The following SLC9A7 variants were observed in gnomAD, a reference collection of about 807,000 sequenced individuals.
SLC9A7 encodes sodium/hydrogen exchanger 7.
A neutral mutation model predicts 52.6 loss-of-function variants in SLC9A7; 19 were observed. The ratio of observed to expected loss-of-function variants is 0.36; its 90% confidence interval spans 0.25 to 0.53. The LOEUF (loss-of-function observed/expected upper bound fraction) is 0.53. SLC9A7 is among the 20% of genes least tolerant of loss of function. The pLI, the probability that SLC9A7 is intolerant of heterozygous loss-of-function variation, is 0.91. For missense variants in SLC9A7, 455 were observed against 597.9 expected (o/e 0.76, Z 2.49); for synonymous variants, 226 against 252.1 (o/e 0.90, Z 0.98).
At chrX:46,637,880 G>C (rs2146743770) in intron 12 of SLC9A7, among the ~76,000 whole-genome samples, 1 of 112,768 alleles carries the variant, frequency 8.9e-6, no homozygotes, top group African/African-American at 3.2e-5. Context: ...ATGGAAAGCA[G>C]TGACCTGGCT....
At chrX:46,730,709 T>TATATATATATATAA (rs1945024634) in intron 1 of SLC9A7, among the ~76,000 whole-genome samples, 2 of 72,534 alleles carry the variant, frequency 2.8e-5, no homozygotes, top group Non-Finnish European at 5.3e-5. Flanking sequence ...TATATATATA[T>TATATATATATATAA]AAAATGGATG....
At chrX:46,628,508 T>C (rs1943172913) in intron 14 of SLC9A7, among the ~76,000 whole-genome samples, 1 of 112,505 alleles carries the variant, frequency 8.9e-6, no homozygotes, top group Non-Finnish European at 1.9e-5. Context: ...AGCAAAGTTC[T>C]AGCCAACAGC....
intron 1 of SLC9A7, among the ~76,000 whole-genome samples, chrX:46,693,594 A>T (rs928428894): frequency 1.8e-5 from 2 of 109,732 alleles, no homozygotes; most frequent in African/African-American, 3.3e-5. Flanking sequence ...TATATATATA[A>T]AAATTAGTTC....
At chrX:46,693,437 G>C (rs1430726707) in intron 1 of SLC9A7, among the ~76,000 whole-genome samples, 1 of 111,344 alleles carries the variant, frequency 9.0e-6, no homozygotes, top group Non-Finnish European at 1.9e-5. Flanking sequence ...GTGTGTTTAT[G>C]GTTAATTGAT....
At chrX:46,620,683 C>A (rs185080735) in intron 15 of SLC9A7, among the ~76,000 whole-genome samples, 1 of 111,667 alleles carries the variant, frequency 9.0e-6, no homozygotes, top group East Asian at 2.8e-4. Context: ...TAATTTTAAT[C>A]TAATCACCTA....
chrX:46,623,583 T>G (rs1400891055), intron 14 of SLC9A7, among the ~76,000 whole-genome samples: 2 of 111,877 alleles, frequency 1.8e-5, no homozygotes, highest in Non-Finnish European at 3.8e-5. Flanking sequence ...CTCAAGAGAC[T>G]ATCTGGCTCC....
At chrX:46,738,149 T>C (rs1344266784) in intron 1 of SLC9A7, among the ~76,000 whole-genome samples, 1 of 112,073 alleles carries the variant, frequency 8.9e-6, no homozygotes, top group African/African-American at 3.2e-5. Flanking sequence ...GTATTAACAT[T>C]CAATCAAGAA....
chrX:46,744,474 T>C (rs1220999047), intron 1 of SLC9A7, among the ~76,000 whole-genome samples: 1 of 112,263 alleles, frequency 8.9e-6, no homozygotes, highest in Non-Finnish European at 1.9e-5. Context: ...CAAGACAATT[T>C]GAAGTAAATG....
chrX:46,748,873 T>C (rs1340815858), intron 1 of SLC9A7, among the ~76,000 whole-genome samples: 2 of 109,776 alleles, frequency 1.8e-5, no homozygotes, highest in African/African-American at 3.3e-5. Context: ...ATAGTGGAGA[T>C]GGCCATAAAA....
At chrX:46,717,864 T>C (rs1016241665) in intron 1 of SLC9A7, among the ~76,000 whole-genome samples, 3 of 111,286 alleles carry the variant, frequency 2.7e-5, no homozygotes, top group Non-Finnish European at 3.8e-5. Context: ...AAAATGGCCA[T>C]ACTGCCCAAG....
At chrX:46,649,726 G>A (rs2146774322) in intron 10 of SLC9A7, among the ~76,000 whole-genome samples, 1 of 112,540 alleles carries the variant, frequency 8.9e-6, no homozygotes, top group Non-Finnish European at 1.9e-5. Flanking sequence ...AGCACTGCCT[G>A]TTTTTCTTCC....
chrX:46,604,132 T>C lies in SLC9A7; in HGVS notation c.*2820A>G, dbSNP rs1465268210. 1 of 112,751 alleles carries C rather than the reference T, an allele frequency of 8.9e-6. No homozygotes were observed. The highest frequency in any genetic ancestry group is 1.9e-5 in the Non-Finnish European group (1 of 53,356). 9.3% of individuals were successfully genotyped at this position (112,751 alleles called of 1,213,427 possible). Reference sequence around the variant, plus strand: ...CTCTGCTAAATAAAAAATCCTGTGCTGGTTCTGGACTCCAGCACACATATA... The same window carrying C: ...CTCTGCTAAATAAAAAATCCTGTGCCGGTTCTGGACTCCAGCACACATATA... On this transcript the variant is annotated 3_prime_UTR_variant, in exon 17 of 17. Transcript: ENST00000616978.
At chrX:46,627,274 A>G (rs1171338949) in intron 14 of SLC9A7, among the ~76,000 whole-genome samples, 1 of 110,844 alleles carries the variant, frequency 9.0e-6, no homozygotes, top group Non-Finnish European at 1.9e-5. Flanking sequence ...TGATTGCACC[A>G]CTGCACTCCA....
Position 46,682,474 on chromosome X carries a change from T to C in SLC9A7, c.387A>G (p.Ser129=), listed in dbSNP as rs1220122579. The change falls in exon 2 of 17, where the codon TCA becomes TCG. Residue 129 remains serine (S), a synonymous_variant. Transcript: ENST00000616978. ...CCCTGTCTTCCTGAGTGCAGCTGAG[T>C]GATTTGTCACGGCCACTGGTAGCAG... is the stretch of plus-strand genomic sequence containing the variant. ...GTPATSGRDK[S]LSCTQEDRAF... is the part of the protein sequence containing the mutation. 1 of 1,211,197 alleles carries C rather than the reference T, an allele frequency of 8.3e-7. No individual in the cohort carries two copies. Among genetic ancestry groups the C allele is most frequent in the South Asian group, 1.8e-5 (1 of 56,920 alleles).
At chrX:46,702,199 T>C (rs1944541620) in intron 1 of SLC9A7, among the ~76,000 whole-genome samples, 1 of 112,182 alleles carries the variant, frequency 8.9e-6, no homozygotes, top group African/African-American at 3.2e-5. Context: ...ATACATTTTC[T>C]TTCTGCCTCT....
intron 11 of SLC9A7, chrX:46,647,027 G>T: frequency 3.0e-6 from 1 of 335,726 alleles, no homozygotes; most frequent in South Asian, 2.9e-5. Context: ...CTTGGCAGCA[G>T]TTTCTGCTTT....
intron 7 of SLC9A7, among the ~76,000 whole-genome samples, chrX:46,659,303 A>G (rs1943766923): frequency 1.9e-5 from 2 of 103,172 alleles, no homozygotes; most frequent in Non-Finnish European, 4.0e-5. Flanking sequence ...TTCCCTTTGA[A>G]AACTGGCACA....
intron 1 of SLC9A7, among the ~76,000 whole-genome samples, chrX:46,710,915 T>C (rs1414932085): frequency 8.9e-6 from 1 of 112,648 alleles, no homozygotes; most frequent in African/African-American, 3.2e-5. Context: ...AGCCTGAACA[T>C]ACATTCTGCT....
At position 46,630,705 on chromosome X, in the gene SLC9A7, T is replaced by C. The variant is rs185414742; in HGVS notation, c.1740+881A>G. ...GCAACCTCAATTCTTGTCTGTAAAT[T>C]TGTTGATACTCTTCCCATCCAGAGG... On this transcript the variant is annotated intron_variant, in intron 14 of 16. Transcript: ENST00000616978. Among the ~76,000 whole-genome samples the C allele has an allele frequency of 9.8e-5, 11 of 112,012 alleles. No homozygotes were observed. The East Asian group carries it at 2.8e-3, about 29-fold the overall frequency.
Sources: allele counts gnomAD v4.1 joint callset (sites outside exome capture counted in the v4.1 genomes callset), GRCh38; gene constraint gnomAD v4.1.1; transcripts MANE v1.5; gene names NCBI Gene and HGNC (gene_info 2026-07-23, HGNC 2026-07-21).